The following SLC39A10 variants were observed in gnomAD, a reference collection of about 807,000 sequenced individuals.
SLC39A10 encodes the protein zinc transporter ZIP10.
In SLC39A10, 13 loss-of-function variants were observed where a neutral mutation model predicts 65.1. That is an observed-to-expected ratio of 0.20 (90% CI 0.13 to 0.32). The LOEUF (loss-of-function observed/expected upper bound fraction) is 0.32, where lower values mean the gene tolerates loss of function less well. SLC39A10 is among the 10% of genes least tolerant of loss of function. The pLI is 1.00. For synonymous variants in SLC39A10, 321 were observed against 342.2 expected (o/e 0.94, Z 0.68); for missense variants, 831 against 1,018.4 (o/e 0.82, Z 2.50).
intron 8 of SLC39A10, among the ~76,000 whole-genome samples, chr2:195,726,649 A>G (rs1438625420): frequency 6.6e-6 from 1 of 152,198 alleles, no homozygotes; most frequent in African/African-American, 2.4e-5. Context: ...CATTATCTTA[A>G]CTTTCCAAAA....
At chr2:195,629,230 A>T (rs1688533476) in intron 2 of SLC39A10, among the ~76,000 whole-genome samples, 1 of 151,592 alleles carries the variant, frequency 6.6e-6, no homozygotes, top group Admixed American at 6.6e-5. Context: ...CTAAAAATAC[A>T]CACACACACA....
chr2:195,683,263 T>A (rs1314192673), intron 2 of SLC39A10, among the ~76,000 whole-genome samples: 1 of 152,078 alleles, frequency 6.6e-6, no homozygotes, highest in Non-Finnish European at 1.5e-5. Context: ...TCCAAAACAA[T>A]ATGCTTTTAG....
At chr2:195,703,776 C>A (rs537932652) in intron 3 of SLC39A10, among the ~76,000 whole-genome samples, 1 of 152,288 alleles carries the variant, frequency 6.6e-6, no homozygotes, top group East Asian at 1.9e-4. Context: ...ACCTCAGCCT[C>A]CCAAGGAGCT....
intron 2 of SLC39A10, among the ~76,000 whole-genome samples, chr2:195,629,005 C>T (rs554339299): frequency 6.6e-6 from 1 of 152,300 alleles, no homozygotes; most frequent in South Asian, 2.1e-4. Context: ...CTTCATTCCT[C>T]ATCACCACTT....
chr2:195,696,149 T>C (rs1690948761), intron 3 of SLC39A10, among the ~76,000 whole-genome samples: 1 of 152,154 alleles, frequency 6.6e-6, no homozygotes, highest in African/African-American at 2.4e-5. Flanking sequence ...GTATGTCTGT[T>C]TTTATGCCGT....
chr2:195,684,395 C>G (rs1690446049), intron 3 of SLC39A10, among the ~76,000 whole-genome samples: 1 of 152,052 alleles, frequency 6.6e-6, no homozygotes, highest in African/African-American at 2.4e-5. Context: ...ATGGGTATTT[C>G]TAGAGAGCTT....
At chr2:195,626,195 T>C (rs1240762805) in intron 2 of SLC39A10, among the ~76,000 whole-genome samples, 1 of 152,204 alleles carries the variant, frequency 6.6e-6, no homozygotes, top group African/African-American at 2.4e-5. Flanking sequence ...AATCACAAGC[T>C]CTTCAAAGCT....
In SLC39A10 at chr2:195,728,034, A is replaced by G; in HGVS notation, c.2147-125A>G. ...GTTTAATAAGTAAAATATTTTATAT[A>G]TCACATAAAATACTGTTATTAAAAG... On this transcript the variant is annotated intron_variant, in intron 8 of 9. Transcript: ENST00000359634. This position sits in a 1 kb window ranked among gnomAD's most constrained non-coding sequence, Gnocchi z 4.4. The G allele has an allele frequency of 1.2e-6, 1 of 825,990 alleles. No individual in the cohort carries two copies. Among genetic ancestry groups the G allele is most frequent in the Non-Finnish European group, 1.8e-6 (1 of 546,846 alleles). The allele number at this position is 825,990 out of a possible 1,614,324, so 51.2% of individuals were successfully genotyped here.
At position 195,734,989 on chromosome 2, in the gene SLC39A10, T is replaced by G; in HGVS notation, c.2444T>G (p.Met815Arg). ...NLGLLFGFAI[M>R]LVIALYEDKI... ...GGATTGCTCTTTGGATTTGCCATTA[T>G]GCTGGTGATTGCCCTCTATGAAGAT... Residue 815 changes from methionine (M) to arginine (R), a missense_variant, in exon 10 of 10, where the codon ATG becomes AGG. By Grantham distance (91) the Met-to-Arg change is moderately conservative. Transcript: ENST00000359634. 3 of 1,613,936 alleles carry G rather than the reference T, an allele frequency of 1.9e-6. No homozygotes were observed. The highest frequency in any genetic ancestry group is 2.5e-6 in the Non-Finnish European group (3 of 1,179,926).
chr2:195,712,107 T>C (rs878977204), intron 5 of SLC39A10, among the ~76,000 whole-genome samples: 1 of 152,246 alleles, frequency 6.6e-6, no homozygotes, highest in Admixed American at 6.5e-5. Flanking sequence ...TGGATTAGGA[T>C]GTATAGGGCT....
At chr2:195,663,853 G>A (rs1411662993) in intron 1 of SLC39A10, among the ~76,000 whole-genome samples, 2 of 150,576 alleles carry the variant, frequency 1.3e-5, no homozygotes, top group East Asian at 3.9e-4. Context: ...TTGTTACCTG[G>A]GTTATATTGT....
chr2:195,732,767 G>A (rs980243245), intron 9 of SLC39A10, among the ~76,000 whole-genome samples: 1 of 152,200 alleles, frequency 6.6e-6, no homozygotes, highest in African/African-American at 2.4e-5. Flanking sequence ...GGACCATATG[G>A]TTTCTGTCAC....
At chr2:195,623,860 T>C (rs535044483) in intron 2 of SLC39A10, among the ~76,000 whole-genome samples, 4 of 151,310 alleles carry the variant, frequency 2.6e-5, no homozygotes, top group African/African-American at 9.7e-5. Flanking sequence ...TTTTTGGTCA[T>C]TTATTAAAAA....
chr2:195,730,424 G>A (rs549881829), intron 9 of SLC39A10, among the ~76,000 whole-genome samples: 28 of 152,214 alleles, frequency 1.8e-4, no homozygotes, highest in South Asian at 8.3e-4. Flanking sequence ...CCGCCTCTTG[G>A]GTTCAAGCAA....
chr2:195,629,353 C>T (rs1688536943), intron 2 of SLC39A10, among the ~76,000 whole-genome samples: 1 of 150,108 alleles, frequency 6.7e-6, no homozygotes, highest in Non-Finnish European at 1.5e-5. Flanking sequence ...GAGATCACAC[C>T]ACTGCACTCC....
At chr2:195,711,037 G>A (rs564810493) in intron 5 of SLC39A10, among the ~76,000 whole-genome samples, 1 of 152,148 alleles carries the variant, frequency 6.6e-6, no homozygotes, top group East Asian at 1.9e-4. Context: ...TATTTAGATG[G>A]GAGAATCAAG....
chr2:195,735,090 T>G lies in SLC39A10; in HGVS notation c.*49T>G. 1 of 1,575,366 alleles carries G rather than the reference T, an allele frequency of 6.3e-7. No homozygotes were observed. Among genetic ancestry groups the G allele is most frequent in the Non-Finnish European group, 8.6e-7 (1 of 1,159,772 alleles). Reference sequence around the variant, plus strand: ...TTACGAGAATGTTACCATGCAGCTTTGCATCTGTTCCTTGTACTGTATGCA... The same window carrying G: ...TTACGAGAATGTTACCATGCAGCTTGGCATCTGTTCCTTGTACTGTATGCA... On this transcript the variant is annotated 3_prime_UTR_variant, in exon 10 of 10. Transcript: ENST00000359634.
chr2:195,695,307 AGGCCAAT>A (rs1690907358), intron 3 of SLC39A10, among the ~76,000 whole-genome samples: 1 of 152,168 alleles, frequency 6.6e-6, no homozygotes, highest in African/African-American at 2.4e-5. Flanking sequence ...TGTGGTTCCC[AGGCCAAT>A]GGAGTTTTGT....
chr2:195,633,774 T>C (rs1688642080), intron 2 of SLC39A10, among the ~76,000 whole-genome samples: 1 of 152,182 alleles, frequency 6.6e-6, no homozygotes, highest in African/African-American at 2.4e-5. Context: ...GAAGTCAAAC[T>C]ACTTCTCTCC....
Sources: gnomAD v4.1 joint callset for allele counts (sites outside exome capture counted in the v4.1 genomes callset) on GRCh38, gnomAD v4.1.1 for gene constraint, Gnocchi (gnomAD v3.1) non-coding constraint, MANE v1.5 for transcripts, NCBI Gene and HGNC (gene_info 2026-07-23, HGNC 2026-07-21) for gene names.